Variants in INO80 observed in about 807,000 individuals in gnomAD.
INO80 encodes the protein INO80 complex ATPase subunit, also known as chromatin-remodeling ATPase INO80.
In INO80, 20 loss-of-function variants were observed where a neutral mutation model predicts 203.4. The ratio of observed to expected loss-of-function variants is 0.10; its 90% confidence interval spans 0.07 to 0.14. The LOEUF (loss-of-function observed/expected upper bound fraction) is 0.14. Among genes scored for constraint, INO80 ranks in the 10% least tolerant of loss-of-function variants. The probability of loss-of-function intolerance (pLI) is 1.00; values close to 1 mark genes in which losing one functional copy is unlikely to be tolerated. For missense variants in INO80, 1,419 were observed against 1,914.4 expected (o/e 0.74, Z 4.83); for synonymous variants, 726 against 685.2 (o/e 1.06, Z -0.93).
At chr15:41,002,993 G>A (rs1406691012) in intron 28 of INO80, among the ~76,000 whole-genome samples, 2 of 151,938 alleles carry the variant, frequency 1.3e-5, no homozygotes, top group African/African-American at 4.8e-5. Context: ...GGTGGCAGGC[G>A]CCTGTAGTCC....
intron 24 of INO80, among the ~76,000 whole-genome samples, chr15:41,040,149 G>A (rs1011328625): frequency 6.6e-6 from 1 of 151,990 alleles, no homozygotes; most frequent in African/African-American, 2.4e-5. Flanking sequence ...TTCAAGACCA[G>A]CCTGGACACA....
At chr15:41,115,761 A>G (rs55887866) in intron 1 of INO80, among the ~76,000 whole-genome samples, 8 of 152,244 alleles carry the variant, frequency 5.3e-5, no homozygotes, top group African/African-American at 1.9e-4. Flanking sequence ...GGGTCTCCAG[A>G]GATATGAAAC....
At chr15:41,098,052 GT>G (rs1298875177) in intron 1 of INO80, among the ~76,000 whole-genome samples, 1 of 152,010 alleles carries the variant, frequency 6.6e-6, no homozygotes, top group East Asian at 1.9e-4. Flanking sequence ...GGGTTTCACC[GT>G]GTTGGCCAGA....
rs1273038946 is a variant in INO80 at position 41,003,329 on chromosome 15, CTTTTCTT to C, written c.3497+2257_3497+2263del. ...TGGGATTGTGGGTGATTTTTCTTTTCTTTTCTTTTTTTTTTTTTTGAGATGGAGTCTC... is the reference window on the plus strand; with the variant it reads ...TGGGATTGTGGGTGATTTTTCTTTTCTTTTTTTTTTTTGAGATGGAGTCTC... On this transcript the variant is annotated intron_variant, in intron 28 of 35. Transcript: ENST00000648947. 1.7e-4 allele frequency among the ~76,000 whole-genome samples: 18 copies of C among 107,602 alleles called. 1 individual carries two copies. The highest frequency in any genetic ancestry group is 1.1e-3 in the Admixed American group (9 of 7,856). The allele number at this position is 107,602 out of a possible 152,430, so 70.6% of individuals were successfully genotyped here.
At chr15:41,018,709 CTA>C (rs1159185141) in intron 26 of INO80, 2 of 152,220 alleles carry the variant, frequency 1.3e-5, no homozygotes, top group Non-Finnish European at 2.9e-5. Flanking sequence ...TCTGAACACA[CTA>C]GAGTGACTTC....
intron 25 of INO80, among the ~76,000 whole-genome samples, chr15:41,025,901 T>C (rs1419489043): frequency 1.3e-5 from 2 of 152,208 alleles, no homozygotes; most frequent in African/African-American, 4.8e-5. Context: ...CTGCCTTCTA[T>C]GGAAGCTCTT....
intron 28 of INO80, among the ~76,000 whole-genome samples, chr15:41,000,603 G>A (rs1217075500): frequency 6.6e-6 from 1 of 150,810 alleles, no homozygotes; most frequent in Non-Finnish European, 1.5e-5. Flanking sequence ...GCTGAGGTAG[G>A]AGAGTCACTA....
intron 24 of INO80, among the ~76,000 whole-genome samples, chr15:41,039,312 G>C (rs1389876569): frequency 6.6e-6 from 1 of 152,152 alleles, no homozygotes; most frequent in East Asian, 1.9e-4. Flanking sequence ...TTTCTATAAA[G>C]TGATCTTCTC....
chr15:41,112,179 G>A (rs1376928992), intron 1 of INO80, among the ~76,000 whole-genome samples: 1 of 152,166 alleles, frequency 6.6e-6, no homozygotes, highest in Admixed American at 6.6e-5. Flanking sequence ...TGGGATTACA[G>A]GTGGAAACCA....
intron 24 of INO80, among the ~76,000 whole-genome samples, chr15:41,031,540 A>G (rs868362603): frequency 1.9e-4 from 3 of 15,590 alleles, no homozygotes; most frequent in African/African-American, 3.1e-4. Flanking sequence ...AGAAGGGAGG[A>G]AGGGAGGAGG....
At chr15:41,007,333 C>T (rs1264275840) in intron 27 of INO80, among the ~76,000 whole-genome samples, 3 of 151,940 alleles carry the variant, frequency 2.0e-5, no homozygotes, top group Non-Finnish European at 4.4e-5. Context: ...CAGGCAACTG[C>T]CACCACACCT....
chr15:41,060,755 T>C, intron 14 of INO80, among the ~76,000 whole-genome samples: 1 of 151,986 alleles, frequency 6.6e-6, no homozygotes, highest in Non-Finnish European at 1.5e-5. Context: ...ACATCTGAAT[T>C]CCAGATTAAA....
rs2043761865 is a variant in INO80, at chr15:40,987,877, C to T, written c.3668G>A (p.Arg1223Gln). The T allele has an allele frequency of 3.1e-6, 5 of 1,614,112 alleles. No individual in the cohort carries two copies. The highest frequency in any genetic ancestry group is 1.1e-5 in the South Asian group (1 of 91,082). ...LGQTKQVTVY[R>Q]LICKGTIEER... is the part of the protein sequence containing the mutation. Reference sequence around the variant, plus strand: ...TTCAATGGTGCCTTTACAGATGAGCCGGTACACAGTAACCTGCTTTGTCTG... The same window carrying T: ...TTCAATGGTGCCTTTACAGATGAGCTGGTACACAGTAACCTGCTTTGTCTG... Residue 1223 changes from arginine to glutamine, a missense_variant, in exon 30 of 36, where the codon CGG (arginine) becomes CAG (glutamine). By Grantham distance (43) the Arg-to-Gln change is conservative. Around this residue, in one of 9 missense-constraint regions of INO80, gnomAD observed 65 missense variants for 186.7 expected, o/e 0.35. Coordinates refer to ENST00000648947, the MANE Select transcript of INO80 (RefSeq NM_017553.3).
chr15:41,064,878 T>C (rs978297114), intron 14 of INO80, among the ~76,000 whole-genome samples: 1 of 152,030 alleles, frequency 6.6e-6, no homozygotes, highest in African/African-American at 2.4e-5. Context: ...GCTCCTGTAG[T>C]CCCAGTTACA....
chr15:41,098,343 G>A (rs375496860), intron 1 of INO80, among the ~76,000 whole-genome samples: 5 of 151,746 alleles, frequency 3.3e-5, no homozygotes, highest in South Asian at 2.1e-4. Context: ...TAGCCCATGC[G>A]AATTAAAAAT....
intron 1 of INO80, among the ~76,000 whole-genome samples, chr15:41,113,945 T>A (rs1053138909): frequency 1.3e-5 from 2 of 152,192 alleles, no homozygotes; most frequent in Non-Finnish European, 2.9e-5. Flanking sequence ...AAGAACACAG[T>A]AAGCTAAAAT....
chr15:40,992,654 C>A (rs771116011), intron 29 of INO80, among the ~76,000 whole-genome samples: 2 of 152,208 alleles, frequency 1.3e-5, no homozygotes, highest in Non-Finnish European at 2.9e-5. Flanking sequence ...AGTATATCCT[C>A]GGAATTAATT....
intron 1 of INO80, among the ~76,000 whole-genome samples, chr15:41,109,716 G>A (rs1419479136): frequency 1.3e-5 from 2 of 151,808 alleles, no homozygotes; most frequent in Non-Finnish European, 2.9e-5. Context: ...TGGATCACCT[G>A]AGGTCAGGAG....
chr15:41,109,567 C>T (rs929638596), intron 1 of INO80, among the ~76,000 whole-genome samples: 2 of 152,042 alleles, frequency 1.3e-5, no homozygotes, highest in Non-Finnish European at 2.9e-5. Flanking sequence ...GAGGCTGAGG[C>T]GGGTGGATCA....
Sources: gnomAD v4.1 joint callset for allele counts (sites outside exome capture counted in the v4.1 genomes callset) on GRCh38, gnomAD v4.1.1 for gene constraint, gnomAD v4.1.1 regional missense constraint, MANE v1.5 for transcripts, NCBI Gene and HGNC (gene_info 2026-07-23, HGNC 2026-07-21) for gene names.